The following USP32 variants were observed in gnomAD, a reference collection of about 807,000 sequenced individuals.
USP32 encodes ubiquitin carboxyl-terminal hydrolase 32.
In USP32, 59 loss-of-function variants were observed where a neutral mutation model predicts 204.8. That is an observed-to-expected ratio of 0.29 (90% CI 0.23 to 0.36). USP32 has a LOEUF of 0.36. Among genes scored for constraint, USP32 ranks in the 10% least tolerant of loss-of-function variants. USP32 has a pLI of 1.00. For synonymous variants in USP32, 517 were observed against 678.4 expected, an observed-to-expected ratio of 0.76 and a Z score of 3.70; for missense variants, 1,160 against 1,946.4, an observed-to-expected ratio of 0.60 and a Z score of 7.60.
At chr17:60,273,999 A>G (rs910516953) in intron 5 of USP32, among the ~76,000 whole-genome samples, 3 of 151,768 alleles carry the variant, frequency 2.0e-5, no homozygotes, top group Non-Finnish European at 2.9e-5. Context: ...GTCAATAGAA[A>G]AAGACCTAGA....
chr17:60,301,149 T>A (rs1267821715), intron 3 of USP32, among the ~76,000 whole-genome samples: 1 of 152,224 alleles, frequency 6.6e-6, no homozygotes, highest in Non-Finnish European at 1.5e-5. Context: ...GCTATGACTA[T>A]TTCTGTACAA....
At chr17:60,417,031 C>T (rs1324320116) in intron 1 of USP32, among the ~76,000 whole-genome samples, 2 of 151,654 alleles carry the variant, frequency 1.3e-5, no homozygotes, top group East Asian at 1.9e-4. Context: ...CATTCTCCTG[C>T]CTCAGCCTCC....
intron 2 of USP32, among the ~76,000 whole-genome samples, chr17:60,313,271 A>C (rs1490784670): frequency 6.7e-6 from 1 of 150,348 alleles, no homozygotes. Flanking sequence ...ATAAAGTAAG[A>C]TTAAAAAAAT....
chr17:60,294,638 T>C (rs749564201), intron 4 of USP32, 45 bp downstream of exon 4: 14 of 1,298,680 alleles, frequency 1.1e-5, no homozygotes, highest in Non-Finnish European at 1.5e-5. Flanking sequence ...TAAGAGTTAA[T>C]ACTTTGTCAA....
At position 60,194,985 on chromosome 17, in the gene USP32, G is replaced by A. The variant is rs114628997; in HGVS notation, c.3435-2055C>T. Among the ~76,000 whole-genome samples the A allele has an allele frequency of 2.0e-3, 299 of 152,266 alleles. 2 individuals carry two copies. Among genetic ancestry groups the A allele is most frequent in the African/African-American group, 7.0e-3 (291 of 41,534 alleles). On this transcript the variant is annotated intron_variant, in intron 27 of 33. Coordinates refer to ENST00000300896, the MANE Select transcript of USP32 (RefSeq NM_032582.4). The stretch of plus-strand genomic sequence containing the variant: ...ATTTATTGACATAAACACTCAAGAA[G>A]TCGAGAACTATACAATGAACATCCC...
At chr17:60,328,098 G>T (rs943513349) in intron 2 of USP32, among the ~76,000 whole-genome samples, 2 of 152,240 alleles carry the variant, frequency 1.3e-5, no homozygotes, top group African/African-American at 4.8e-5. Context: ...GGCCAGGGAG[G>T]GCCTGAAGGC....
chr17:60,298,003 A>G (rs749894070), intron 3 of USP32, among the ~76,000 whole-genome samples: 2 of 152,238 alleles, frequency 1.3e-5, no homozygotes, highest in Non-Finnish European at 2.9e-5. Context: ...GCTGGTTTAC[A>G]GAGGCTGCTC....
intron 29 of USP32, 52 bp downstream of exon 29, chr17:60,190,511 T>A (rs116897156): frequency 2.9e-4 from 440 of 1,505,288 alleles, no homozygotes; most frequent in Non-Finnish European, 3.7e-4. Context: ...GTTACACTGG[T>A]GGAAATTTCT....
intron 1 of USP32, among the ~76,000 whole-genome samples, chr17:60,371,720 A>C (rs149923342): frequency 6.6e-6 from 1 of 152,352 alleles, no homozygotes; most frequent in East Asian, 1.9e-4. Flanking sequence ...AAAGACTGAC[A>C]ATATGAAGCA....
chr17:60,216,560 G>A (rs1247041589), intron 16 of USP32, among the ~76,000 whole-genome samples: 1 of 152,178 alleles, frequency 6.6e-6, no homozygotes, highest in South Asian at 2.1e-4. Context: ...TACTTTTTTA[G>A]AACTTCAGAA....
upstream of USP32, among the ~76,000 whole-genome samples, chr17:60,395,037 C>T (rs988998472): frequency 7.2e-5 from 11 of 152,168 alleles, no homozygotes; most frequent in Non-Finnish European, 1.3e-4. Context: ...AGCCACCACG[C>T]CTGGGCTACA....
In USP32 at chr17:60,178,316, A is replaced by AT. The variant is rs1301063541; in HGVS notation, c.*938dup. On this transcript the variant is annotated 3_prime_UTR_variant, in exon 34 of 34. Coordinates refer to ENST00000300896, the MANE Select transcript of USP32 (RefSeq NM_032582.4). The stretch of plus-strand genomic sequence containing the variant: ...CAAACACAGAAAAGAACAACCACTA[A>AT]TTGTGAAACGTGATCTAGCTCCAAT... Among the ~76,000 whole-genome samples, 1 of 152,212 alleles carries AT rather than the reference A, an allele frequency of 6.6e-6. No individual in the cohort carries two copies. Among genetic ancestry groups the AT allele is most frequent in the Admixed American group, 6.5e-5 (1 of 15,268 alleles).
At position 60,177,873 on chromosome 17, in the gene USP32, T is replaced by C. The variant is rs2084005526; in HGVS notation, c.*1382A>G. Among the ~76,000 whole-genome samples the C allele has an allele frequency of 6.6e-6, 1 of 152,106 alleles. No individual in the cohort carries two copies. The highest frequency in any genetic ancestry group is 6.5e-5 in the Admixed American group (1 of 15,278). Reference sequence around the variant, plus strand: ...AAGAAAGGGTAGTGGAATCTGACAATTAATGAGAATCAACTTGCAGGGTCT... The same window carrying C: ...AAGAAAGGGTAGTGGAATCTGACAACTAATGAGAATCAACTTGCAGGGTCT... On this transcript the variant is annotated 3_prime_UTR_variant, in exon 34 of 34. Transcript: ENST00000300896.
chr17:60,293,578 A>T (rs1598206766), intron 4 of USP32, among the ~76,000 whole-genome samples: 1 of 152,194 alleles, frequency 6.6e-6, no homozygotes, highest in African/African-American at 2.4e-5. Context: ...CACCATAACC[A>T]CCGCCAAAAA....
chr17:60,189,514 CCT>C (rs1221041693), intron 29 of USP32, among the ~76,000 whole-genome samples: 1 of 152,224 alleles, frequency 6.6e-6, no homozygotes, highest in African/African-American at 2.4e-5. Flanking sequence ...GTTGTTTTTA[CCT>C]CTCTATCAGA....
intron 1 of USP32, among the ~76,000 whole-genome samples, chr17:60,355,416 G>A (rs1445808223): frequency 6.6e-6 from 1 of 151,862 alleles, no homozygotes; most frequent in East Asian, 1.9e-4. Context: ...CCTGTAAGGA[G>A]ACCGATTGCC....
chr17:60,192,467 C>G lies in USP32; in HGVS notation c.3521+377G>C, dbSNP rs114327137. Among the ~76,000 whole-genome samples the G allele has an allele frequency of 1.1e-3, 168 of 152,250 alleles. 1 individual carries two copies. Among genetic ancestry groups the G allele is most frequent in the African/African-American group, 3.1e-3 (128 of 41,554 alleles). On this transcript the variant is annotated intron_variant, in intron 28 of 33. Transcript: ENST00000300896. The stretch of plus-strand genomic sequence containing the variant: ...AAATATTTTTTGAGACGGAGTTTCG[C>G]TCTTGTTGCCCGGCTGGAGTGCAGT...
chr17:60,275,400 T>G (rs1231759745), intron 5 of USP32, among the ~76,000 whole-genome samples: 1 of 152,060 alleles, frequency 6.6e-6, no homozygotes, highest in Non-Finnish European at 1.5e-5. Flanking sequence ...GAGTTTACAG[T>G]GAGCCGAGAT....
intron 1 of USP32, among the ~76,000 whole-genome samples, chr17:60,390,777 GA>G (rs1429585195): frequency 6.6e-6 from 1 of 152,082 alleles, no homozygotes; most frequent in Non-Finnish European, 1.5e-5. Flanking sequence ...GAGCATGGCT[GA>G]TTTCTTGACT....
Sources: gnomAD v4.1 joint callset for allele counts (sites outside exome capture counted in the v4.1 genomes callset) on GRCh38, gnomAD v4.1.1 for gene constraint, MANE v1.5 for transcripts, NCBI Gene and HGNC (gene_info 2026-07-23, HGNC 2026-07-21) for gene names.